Variants in YEATS2 observed in about 807,000 individuals in gnomAD.
YEATS2 encodes the protein YEATS domain containing 2.
In YEATS2, 77 loss-of-function variants were observed where a neutral mutation model predicts 163.2. That is an observed-to-expected ratio of 0.47 (90% confidence interval 0.39 to 0.57). The LOEUF is 0.57. Among genes scored for constraint, YEATS2 ranks in the 20% least tolerant of loss-of-function variants. YEATS2 has a pLI of 0.00. For missense variants in YEATS2, 1,549 were observed against 1,729.8 expected (o/e 0.90, Z 1.85); for synonymous variants, 631 against 645.1 (o/e 0.98, Z 0.33).
chr3:183,706,661 AC>A, intron 1 of YEATS2, among the ~76,000 whole-genome samples: 1 of 152,312 alleles, frequency 6.6e-6, no homozygotes, highest in African/African-American at 2.4e-5. Context: ...TACTAAAAAT[AC>A]AAAATTAGCC....
intron 15 of YEATS2, 74 bp downstream of exon 15, chr3:183,762,353 A>G: frequency 6.7e-7 from 1 of 1,486,590 alleles, no homozygotes; most frequent in Non-Finnish European, 9.0e-7. Context: ...CAAGTGCTGA[A>G]AAGATTCACG....
At chr3:183,717,175 G>A (rs999713046) in intron 2 of YEATS2, among the ~76,000 whole-genome samples, 5 of 151,970 alleles carry the variant, frequency 3.3e-5, no homozygotes, top group Admixed American at 1.3e-4. Context: ...TTACGGGTGC[G>A]AGCCACCATG....
chr3:183,762,039 G>C, intron 14 of YEATS2, 58 bp from the exon 15 acceptor site: 1 of 1,608,884 alleles, frequency 6.2e-7, no homozygotes, highest in South Asian at 1.1e-5. Flanking sequence ...GATATTAGCA[G>C]CTTTATAAAA....
intron 19 of YEATS2, among the ~76,000 whole-genome samples, chr3:183,783,740 A>T (rs773943213): frequency 2.0e-5 from 3 of 152,172 alleles, no homozygotes; most frequent in South Asian, 2.1e-4. Flanking sequence ...TTACCTTTTC[A>T]TGGCTGTGTG....
chr3:183,732,547 T>C (rs1180251001), intron 7 of YEATS2, among the ~76,000 whole-genome samples: 4 of 151,876 alleles, frequency 2.6e-5, no homozygotes, highest in Admixed American at 6.6e-5. Flanking sequence ...TTTTTAAAAT[T>C]TTATTTTTTA....
At chr3:183,709,675 A>ATTTTT (rs774989436) in intron 1 of YEATS2, among the ~76,000 whole-genome samples, 1 of 125,166 alleles carries the variant, frequency 8.0e-6, no homozygotes. Flanking sequence ...AATGAGATAA[A>ATTTTT]TTTTTTTTTT....
chr3:183,797,808 A>G lies in YEATS2; in HGVS notation c.3098-115A>G. 3.8e-6 allele frequency: 5 copies of G among 1,320,756 alleles called. No individual in the cohort carries two copies. In the South Asian group the frequency reaches 7.1e-5, roughly 19 times the overall value. 81.8% of individuals were successfully genotyped at this position (1,320,756 alleles called of 1,614,324 possible). A position where few individuals can be genotyped will look rare whatever the true frequency, so the allele number is the denominator to read the frequency against. On this transcript the variant is annotated intron_variant, in intron 21 of 30. Transcript: ENST00000305135. ...CTGCTTCTTGCTCTTTGTTTACTGG[A>G]AGGTTAAATGTCCTGGGAACTTCCT... is the stretch of plus-strand genomic sequence containing the variant.
At chr3:183,783,843 G>C (rs1369849053) in intron 19 of YEATS2, among the ~76,000 whole-genome samples, 3 of 152,156 alleles carry the variant, frequency 2.0e-5, no homozygotes, top group Non-Finnish European at 2.9e-5. Flanking sequence ...GGACATAGGG[G>C]TGCATGTGTC....
chr3:183,802,545 A>G (rs1197239611), intron 25 of YEATS2: 1 of 152,112 alleles, frequency 6.6e-6, no homozygotes, highest in Non-Finnish European at 1.5e-5. Flanking sequence ...GTATATACAC[A>G]CACACATATT....
At chr3:183,797,544 C>A (rs200480770) in intron 21 of YEATS2, among the ~76,000 whole-genome samples, 2 of 142,926 alleles carry the variant, frequency 1.4e-5, no homozygotes, top group Admixed American at 7.1e-5. Context: ...GTCTCTAACA[C>A]AATAAATAAA....
At chr3:183,713,137 T>TA (rs1304375822) in intron 1 of YEATS2, among the ~76,000 whole-genome samples, 6 of 152,238 alleles carry the variant, frequency 3.9e-5, no homozygotes, top group African/African-American at 1.4e-4. Context: ...AAAAACTTGG[T>TA]AAAAATATAA....
intron 8 of YEATS2, among the ~76,000 whole-genome samples, chr3:183,745,887 G>A (rs928741066): frequency 2.0e-5 from 3 of 152,006 alleles, no homozygotes; most frequent in East Asian, 1.9e-4. Flanking sequence ...GCTGAAGTGC[G>A]GTGATGCAAA....
chr3:183,732,471 AT>A (rs1717895351), intron 7 of YEATS2, among the ~76,000 whole-genome samples: 1 of 150,118 alleles, frequency 6.7e-6, no homozygotes, highest in South Asian at 2.1e-4. Context: ...TAAATAAAAA[AT>A]AAATAAATAA....
At chr3:183,718,887 G>T (rs1376256073) in intron 4 of YEATS2, among the ~76,000 whole-genome samples, 1 of 151,968 alleles carries the variant, frequency 6.6e-6, no homozygotes, top group Non-Finnish European at 1.5e-5. Context: ...TAGAGACGAG[G>T]TTTCACCATT....
chr3:183,749,867 G>A, intron 9 of YEATS2, among the ~76,000 whole-genome samples: 1 of 152,074 alleles, frequency 6.6e-6, no homozygotes, highest in East Asian at 1.9e-4. Context: ...GCCCAGGTTG[G>A]AGTGCAGTGG....
chr3:183,775,296 GATTA>G (rs1326704190), intron 17 of YEATS2, among the ~76,000 whole-genome samples: 1 of 152,164 alleles, frequency 6.6e-6, no homozygotes, highest in Non-Finnish European at 1.5e-5. Context: ...TTTAAGTGTT[GATTA>G]AAATACTTGG....
rs1321347162 is a variant in YEATS2, at chr3:183,811,048, G to A, written c.*465G>A. 2 of 169,902 alleles carry A rather than the reference G, an allele frequency of 1.2e-5. No homozygotes were observed. Among genetic ancestry groups the A allele is most frequent in the Admixed American group, 1.2e-4 (2 of 17,230 alleles). 10.5% of individuals were successfully genotyped at this position (169,902 alleles called of 1,614,324 possible). On this transcript the variant is annotated 3_prime_UTR_variant, in exon 31 of 31. Transcript: ENST00000305135. ...ATTGGGCTTCAGCCTTCAGCAGGTGGTTCTCTCCCATGCCTGGCCTTGGTG... is the reference window on the plus strand; with the variant it reads ...ATTGGGCTTCAGCCTTCAGCAGGTGATTCTCTCCCATGCCTGGCCTTGGTG...
At chr3:183,779,886 C>T (rs112985710) in intron 19 of YEATS2, among the ~76,000 whole-genome samples, 2,460 of 151,724 alleles carry the variant, frequency 0.016, 46 homozygotes, top group African/African-American at 0.057. Flanking sequence ...TTACTAGAGA[C>T]GGGGTTTCAC....
At chr3:183,804,586 A>G (rs1036078121) in intron 27 of YEATS2, among the ~76,000 whole-genome samples, 3 of 152,346 alleles carry the variant, frequency 2.0e-5, no homozygotes, top group African/African-American at 7.2e-5. Flanking sequence ...CCTGTGTCTC[A>G]TCTGTTACTT....
Sources: gnomAD v4.1 joint callset for allele counts (sites outside exome capture counted in the v4.1 genomes callset) on GRCh38, gnomAD v4.1.1 for gene constraint, MANE v1.5 for transcripts, NCBI Gene and HGNC (gene_info 2026-07-23, HGNC 2026-07-21) for gene names.